EML4: variants seen among roughly 807,000 people sequenced by gnomAD.
The protein encoded by EML4 is EMAP like 4.
A neutral mutation model predicts 129.0 loss-of-function variants in EML4; 72 were observed. The ratio of observed to expected loss-of-function variants is 0.56; its 90% CI spans 0.46 to 0.68. The LOEUF (loss-of-function observed/expected upper bound fraction) is 0.68. Among genes scored for constraint, EML4 ranks in the 30% least tolerant of loss-of-function variants. The pLI is 0.00. For missense variants in EML4, 1,363 were observed against 1,190.6 expected, an observed-to-expected ratio of 1.14 and a Z score of -2.13; for synonymous variants, 532 against 405.0, an observed-to-expected ratio of 1.31 and a Z score of -3.77.
intron 9 of EML4, chr2:42,285,918 GGTATCACTTTGGGCA>G (rs1667281601): frequency 4.0e-6 from 1 of 248,408 alleles, no homozygotes; most frequent in Non-Finnish European, 8.0e-6. Context: ...TTTTAATAGC[GGTATCACTTTGGGCA>G]AGTTATTTAA....
intron 2 of EML4, among the ~76,000 whole-genome samples, chr2:42,250,288 T>G (rs947759308): frequency 2.0e-5 from 3 of 152,130 alleles, no homozygotes; most frequent in Non-Finnish European, 2.9e-5. Flanking sequence ...AAAGAAACAT[T>G]GCTAATTATG....
chr2:42,277,748 T>G (rs1376522572), intron 6 of EML4, among the ~76,000 whole-genome samples: 1 of 152,114 alleles, frequency 6.6e-6, no homozygotes, highest in African/African-American at 2.4e-5. Flanking sequence ...TTTGTATTTT[T>G]AGTAGAGACG....
intron 1 of EML4, among the ~76,000 whole-genome samples, chr2:42,211,462 G>T (rs2104024446): frequency 6.6e-6 from 1 of 152,290 alleles, no homozygotes; most frequent in Middle Eastern, 3.4e-3. Flanking sequence ...GAGGAAATTG[G>T]CTTGGGTGGA....
intron 1 of EML4, among the ~76,000 whole-genome samples, chr2:42,194,222 TTTAAATAAGA>T (rs1671769019): frequency 6.6e-6 from 1 of 152,172 alleles, no homozygotes; most frequent in African/African-American, 2.4e-5. Flanking sequence ...ATCAAGTCCT[TTTAAATAAGA>T]TTAGGCAAAG....
chr2:42,306,484 C>CTTTTTTTTTTTTTTTTTGTT (rs1668599973), intron 17 of EML4, among the ~76,000 whole-genome samples: 1 of 74,604 alleles, frequency 1.3e-5, no homozygotes, highest in African/African-American at 4.7e-5. Context: ...GTGCTAAATC[C>CTTTTTTTTTTTTTTTTTGTT]TTTTTTTTTT....
chr2:42,282,965 G>T lies in EML4; in HGVS notation c.934G>T (p.Val312Leu). Residue 312 changes from valine (V) to leucine (L), a missense_variant, in exon 8 of 23, where the codon GTG (valine) becomes TTG (leucine). Coordinates refer to ENST00000318522, the MANE Select transcript of EML4 (RefSeq NM_019063.5). ...ACACTACCTGGGCCATACAGACTGT[G>T]TGAAATGGTTGGTATCATTTAACAT... ...QRHYLGHTDC[V>L]KCLAIHPDKI... is the part of the protein sequence containing the mutation. The T allele has an allele frequency of 6.2e-7, 1 of 1,608,756 alleles. No individual in the cohort carries two copies. Among genetic ancestry groups the T allele is most frequent in the Non-Finnish European group, 8.5e-7 (1 of 1,178,534 alleles).
At chr2:42,174,248 T>C (rs531744013) in intron 1 of EML4, among the ~76,000 whole-genome samples, 1 of 152,290 alleles carries the variant, frequency 6.6e-6, no homozygotes, top group East Asian at 1.9e-4. Flanking sequence ...CTACTTCATC[T>C]AGTATTACCT....
chr2:42,262,934 T>TA (rs930833596), intron 4 of EML4, among the ~76,000 whole-genome samples: 6 of 152,078 alleles, frequency 3.9e-5, no homozygotes, highest in South Asian at 2.1e-4. Context: ...AAGTGTTTTT[T>TA]AAAAAAAATC....
At chr2:42,221,403 CTT>C (rs74816568) in intron 1 of EML4, among the ~76,000 whole-genome samples, 24 of 108,262 alleles carry the variant, frequency 2.2e-4, no homozygotes, top group African/African-American at 6.6e-4. Context: ...ACATGGTTTA[CTT>C]TTTTTTTTTT....
intron 17 of EML4, among the ~76,000 whole-genome samples, chr2:42,314,157 G>C (rs1460971572): frequency 6.6e-6 from 1 of 152,102 alleles, no homozygotes; most frequent in African/African-American, 2.4e-5. Flanking sequence ...TCAGGAGTTC[G>C]AGACCAGCCT....
At chr2:42,254,827 A>AT (rs1346438239) in intron 2 of EML4, among the ~76,000 whole-genome samples, 5 of 152,190 alleles carry the variant, frequency 3.3e-5, no homozygotes, top group African/African-American at 1.2e-4. Flanking sequence ...TATATGAAAA[A>AT]TTTTACACAA....
chr2:42,289,480 A>T (rs564431081), intron 11 of EML4: 1 of 152,288 alleles, frequency 6.6e-6, no homozygotes, highest in Admixed American at 6.5e-5. Flanking sequence ...GGTTTAACTC[A>T]TATTTCTAGT....
At chr2:42,265,124 T>G (rs1302584027) in intron 6 of EML4, among the ~76,000 whole-genome samples, 3 of 152,180 alleles carry the variant, frequency 2.0e-5, no homozygotes, top group African/African-American at 7.2e-5. Context: ...CGAGTCTCAT[T>G]CTGTTGCCCA....
intron 1 of EML4, among the ~76,000 whole-genome samples, chr2:42,173,416 A>G (rs546728889): frequency 8.5e-5 from 13 of 152,304 alleles, no homozygotes; most frequent in East Asian, 3.9e-4. Context: ...CATCTTCAAC[A>G]TGAGTTAGCT....
intron 13 of EML4, 66 bp from the exon 14 acceptor site, chr2:42,301,175 C>A: frequency 7.0e-7 from 1 of 1,425,458 alleles, no homozygotes; most frequent in Non-Finnish European, 9.6e-7. Flanking sequence ...AAGTTTTCTT[C>A]CAAATAGACA....
At chr2:42,287,190 CT>C (rs1487488078) in intron 10 of EML4, among the ~76,000 whole-genome samples, 1 of 152,114 alleles carries the variant, frequency 6.6e-6, no homozygotes, top group East Asian at 1.9e-4. Flanking sequence ...GGAAAGGACA[CT>C]TTTAGAGCAG....
At chr2:42,288,415 G>A (rs375723450) in intron 11 of EML4, 93 bp downstream of exon 11, 24 of 569,340 alleles carry the variant, frequency 4.2e-5, no homozygotes, top group East Asian at 1.2e-4. Flanking sequence ...CTATCTATTC[G>A]TAAGTCGCAA....
chr2:42,208,646 G>T (rs1323938608), intron 1 of EML4, among the ~76,000 whole-genome samples: 1 of 151,842 alleles, frequency 6.6e-6, no homozygotes, highest in Non-Finnish European at 1.5e-5. Context: ...TCTTGGCCAG[G>T]CTGGTCTTGA....
chr2:42,268,775 C>T (rs1307048002), intron 6 of EML4, among the ~76,000 whole-genome samples: 1 of 152,132 alleles, frequency 6.6e-6, no homozygotes, highest in East Asian at 1.9e-4. Flanking sequence ...GTCACATGAT[C>T]TCATTATTTC....
Sources: allele counts gnomAD v4.1 joint callset (sites outside exome capture counted in the v4.1 genomes callset), GRCh38; gene constraint gnomAD v4.1.1; transcripts MANE v1.5; gene names NCBI Gene and HGNC (gene_info 2026-07-23, HGNC 2026-07-21).